The following GPCPD1 variants were observed in gnomAD, a reference collection of about 807,000 sequenced individuals.
GPCPD1 encodes glycerophosphocholine phosphodiesterase GPCPD1.
A neutral mutation model predicts 89.2 loss-of-function variants in GPCPD1; 29 were observed. That is an observed-to-expected ratio of 0.33 (90% CI 0.24 to 0.44). The LOEUF is 0.44. Ranked by LOEUF, GPCPD1 falls within the 20% of genes least tolerant of loss-of-function variation. GPCPD1 has a pLI of 1.00. For synonymous variants in GPCPD1, 258 were observed against 266.3 expected, an observed-to-expected ratio of 0.97 and a Z score of 0.30; for missense variants, 594 against 808.9, an observed-to-expected ratio of 0.73 and a Z score of 3.22.
At chr20:5,562,986 C>CTTTT (rs199811350) in intron 15 of GPCPD1, among the ~76,000 whole-genome samples, 5 of 142,642 alleles carry the variant, frequency 3.5e-5, no homozygotes, top group African/African-American at 1.3e-4. Flanking sequence ...GTTAAAATTT[C>CTTTT]TTTTTTTTTT....
At chr20:5,592,092 A>G (rs1359296905) in intron 4 of GPCPD1, among the ~76,000 whole-genome samples, 1 of 152,242 alleles carries the variant, frequency 6.6e-6, no homozygotes, top group Non-Finnish European at 1.5e-5. Flanking sequence ...CAATAGTCTT[A>G]CTTTAGAAAA....
At chr20:5,598,282 T>C in intron 3 of GPCPD1, among the ~76,000 whole-genome samples, 1 of 152,048 alleles carries the variant, frequency 6.6e-6, no homozygotes, top group East Asian at 1.9e-4. Context: ...CATGGGTGCC[T>C]ATAGTCACAG....
At chr20:5,557,203 G>C (rs1353573559) in intron 19 of GPCPD1, among the ~76,000 whole-genome samples, 1 of 152,156 alleles carries the variant, frequency 6.6e-6, no homozygotes, top group Non-Finnish European at 1.5e-5. Context: ...GAAAACTGTG[G>C]GAGAGTTTTA....
At chr20:5,570,048 A>G (rs768789640) in intron 12 of GPCPD1, 99 bp downstream of exon 12, 2 of 566,018 alleles carry the variant, frequency 3.5e-6, no homozygotes, top group African/African-American at 1.9e-5. Flanking sequence ...TGAATTAACC[A>G]ATTCTATTTA....
chr20:5,601,743 C>G (rs6139774), intron 2 of GPCPD1, among the ~76,000 whole-genome samples: 2 of 152,126 alleles, frequency 1.3e-5, no homozygotes, highest in African/African-American at 4.8e-5. Context: ...AAACAGCAGG[C>G]TACTTTTTGC....
rs746819204 is a variant in GPCPD1 at position 5,559,923 on chromosome 20, TAC to T, written c.1532+15_1532+16del. 4.2e-6 allele frequency: 6 copies of T among 1,424,234 alleles called. No homozygotes were observed. Among genetic ancestry groups the T allele is most frequent in the Non-Finnish European group, 4.7e-6 (5 of 1,056,840 alleles). 88.2% of individuals were successfully genotyped at this position (1,424,234 alleles called of 1,614,324 possible). The stretch of plus-strand genomic sequence containing the variant: ...CACATTCTAAGAGTATAGGAAAAAA[TAC>T]AGAGTATTACTCACATTGTGCAAAT... On this transcript the variant is annotated intron_variant, in intron 17 of 19. Coordinates refer to ENST00000379019, the MANE Select transcript of GPCPD1 (RefSeq NM_019593.5).
chr20:5,554,276 G>A (rs968560419), intron 19 of GPCPD1, among the ~76,000 whole-genome samples: 3 of 152,078 alleles, frequency 2.0e-5, no homozygotes, highest in Admixed American at 2.0e-4. Flanking sequence ...GAGCCATCAG[G>A]CCCGGCCGAA....
intron 11 of GPCPD1, among the ~76,000 whole-genome samples, chr20:5,572,195 GGTGACGAAGCC>G: frequency 6.6e-6 from 1 of 152,086 alleles, no homozygotes; most frequent in East Asian, 1.9e-4. Context: ...CTCCAGCCTG[GGTGACGAAGCC>G]ATCACGTTTA....
intron 19 of GPCPD1, among the ~76,000 whole-genome samples, chr20:5,553,826 A>G (rs1284778130): frequency 6.6e-6 from 1 of 152,254 alleles, no homozygotes; most frequent in Non-Finnish European, 1.5e-5. Flanking sequence ...AAGTTGGTTC[A>G]TGAAGTTTAA....
chr20:5,595,808 G>A (rs200187835), intron 3 of GPCPD1, among the ~76,000 whole-genome samples: 2 of 150,938 alleles, frequency 1.3e-5, no homozygotes, highest in Admixed American at 1.3e-4. Flanking sequence ...AGAAAAAAAG[G>A]GGGGGGGACA....
At chr20:5,577,362 C>T (rs558448227) in intron 8 of GPCPD1, among the ~76,000 whole-genome samples, 3 of 151,552 alleles carry the variant, frequency 2.0e-5, no homozygotes, top group Non-Finnish European at 4.4e-5. Context: ...GTGGTACACA[C>T]CTGTAGTCCC....
chr20:5,601,538 T>C (rs1221776006), intron 2 of GPCPD1, among the ~76,000 whole-genome samples: 2 of 151,910 alleles, frequency 1.3e-5, no homozygotes, highest in Non-Finnish European at 2.9e-5. Flanking sequence ...CCGGCTAATT[T>C]TTGTATTTTT....
At chr20:5,600,905 G>A (rs367932382) in intron 2 of GPCPD1, among the ~76,000 whole-genome samples, 8 of 151,852 alleles carry the variant, frequency 5.3e-5, no homozygotes, top group African/African-American at 7.3e-5. Context: ...CAGGAGAATC[G>A]CTTGAACCTG....
chr20:5,607,962 A>T (rs1228774319), intron 1 of GPCPD1, among the ~76,000 whole-genome samples: 1 of 152,178 alleles, frequency 6.6e-6, no homozygotes, highest in Non-Finnish European at 1.5e-5. Context: ...TTTGGTGTTT[A>T]CTGCTGCGGT....
At chr20:5,584,578 A>G in intron 5 of GPCPD1, 2 of 248,144 alleles carry the variant, frequency 8.1e-6, no homozygotes, top group South Asian at 1.2e-4. Flanking sequence ...AACTCTTCAG[A>G]AAGGTGCTCT....
At chr20:5,569,301 C>T (rs893034493) in intron 12 of GPCPD1, among the ~76,000 whole-genome samples, 2 of 152,162 alleles carry the variant, frequency 1.3e-5, no homozygotes, top group Non-Finnish European at 2.9e-5. Context: ...TACAGTGATG[C>T]TAGCCAACTA....
intron 16 of GPCPD1, among the ~76,000 whole-genome samples, chr20:5,560,603 G>A (rs978455576): frequency 2.0e-5 from 3 of 152,154 alleles, no homozygotes; most frequent in Non-Finnish European, 4.4e-5. Flanking sequence ...AATGTTTTAA[G>A]TATTAGTCAC....
At chr20:5,603,762 T>TTTTA (rs1482224130) in intron 2 of GPCPD1, among the ~76,000 whole-genome samples, 5 of 151,802 alleles carry the variant, frequency 3.3e-5, no homozygotes, top group African/African-American at 4.8e-5. Flanking sequence ...TTTTTTTTTT[T>TTTTA]TTGAGACGGA....
At chr20:5,608,603 CCTT>C (rs534301502) in intron 1 of GPCPD1, among the ~76,000 whole-genome samples, 6 of 133,788 alleles carry the variant, frequency 4.5e-5, no homozygotes, top group African/African-American at 1.9e-4. Context: ...CACCCATACA[CCTT>C]CTTCTAAACA....
Sources: allele counts gnomAD v4.1 joint callset (sites outside exome capture counted in the v4.1 genomes callset), GRCh38; gene constraint gnomAD v4.1.1; transcripts MANE v1.5; gene names NCBI Gene and HGNC (gene_info 2026-07-23, HGNC 2026-07-21).